The following AGBL4 variants were observed in gnomAD, a reference collection of about 807,000 sequenced individuals.
AGBL4 encodes the protein AGBL carboxypeptidase 4.
A neutral mutation model predicts 66.4 loss-of-function variants in AGBL4; 58 were observed. The ratio of observed to expected loss-of-function variants is 0.87; its 90% CI spans 0.71 to 1.09. The LOEUF (loss-of-function observed/expected upper bound fraction) is 1.09, where lower values mean the gene tolerates loss of function less well. Among genes scored for constraint, AGBL4 ranks in the 50% least tolerant of loss-of-function variants. The pLI, the probability that AGBL4 is intolerant of heterozygous loss-of-function variation, is 0.00. For synonymous variants in AGBL4, 234 were observed against 222.9 expected (o/e 1.05, Z -0.44); for missense variants, 579 against 631.0 (o/e 0.92, Z 0.88).
intron 3 of AGBL4, among the ~76,000 whole-genome samples, chr1:49,575,285 G>A (rs1023495573): frequency 1.3e-5 from 2 of 152,170 alleles, no homozygotes; most frequent in African/African-American, 2.4e-5. Context: ...AGTGGGTCCA[G>A]TGGGTCCCTC....
At chr1:48,887,670 T>G (rs1278795239) in intron 5 of AGBL4, among the ~76,000 whole-genome samples, 2 of 152,100 alleles carry the variant, frequency 1.3e-5, no homozygotes, top group Non-Finnish European at 2.9e-5. Context: ...TGGCCTAAAC[T>G]CTTACTGATG....
chr1:48,779,783 G>C (rs1043360063), intron 6 of AGBL4, among the ~76,000 whole-genome samples: 1 of 148,344 alleles, frequency 6.7e-6, no homozygotes, highest in Non-Finnish European at 1.5e-5. Context: ...GCCTGGTCTC[G>C]GCTCACTGCC....
chr1:48,590,029 C>T (rs1000178067), intron 10 of AGBL4, among the ~76,000 whole-genome samples: 1 of 152,296 alleles, frequency 6.6e-6, no homozygotes, highest in South Asian at 2.1e-4. Context: ...AGGTGGATCA[C>T]TTGAGCCCAG....
intron 1 of AGBL4, among the ~76,000 whole-genome samples, chr1:49,882,606 C>T (rs2148146631): frequency 6.6e-6 from 1 of 152,244 alleles, no homozygotes; most frequent in South Asian, 2.1e-4. Context: ...TCCTTCACAT[C>T]CATTGTAAGT....
chr1:49,406,909 C>T (rs967863224), intron 3 of AGBL4, among the ~76,000 whole-genome samples: 1 of 151,456 alleles, frequency 6.6e-6, no homozygotes, highest in Non-Finnish European at 1.5e-5. Flanking sequence ...ATTAAAAATA[C>T]AAAAAATTAG....
intron 3 of AGBL4, among the ~76,000 whole-genome samples, chr1:49,292,371 C>T (rs1218284837): frequency 1.3e-5 from 2 of 152,194 alleles, no homozygotes; most frequent in African/African-American, 4.8e-5. Flanking sequence ...AGTTAGACCC[C>T]ACCTTCAAGC....
At chr1:49,556,470 C>T (rs1643899748) in intron 3 of AGBL4, among the ~76,000 whole-genome samples, 1 of 151,496 alleles carries the variant, frequency 6.6e-6, no homozygotes, top group Admixed American at 6.6e-5. Flanking sequence ...AACAAACCTG[C>T]ACATTGTGCA....
At chr1:48,678,380 G>C (rs1396700055) in intron 6 of AGBL4, among the ~76,000 whole-genome samples, 1 of 152,176 alleles carries the variant, frequency 6.6e-6, no homozygotes, top group Non-Finnish European at 1.5e-5. Context: ...TTACTTAAGG[G>C]ACTGAGGGGG....
At chr1:48,757,019 A>C (rs570647841) in intron 6 of AGBL4, among the ~76,000 whole-genome samples, 3 of 152,320 alleles carry the variant, frequency 2.0e-5, no homozygotes, top group South Asian at 4.1e-4. Context: ...TTTAGGACTA[A>C]AAGAGGCATA....
At chr1:49,926,206 A>G (rs1240767546) in intron 1 of AGBL4, among the ~76,000 whole-genome samples, 2 of 152,212 alleles carry the variant, frequency 1.3e-5, no homozygotes, top group African/African-American at 2.4e-5. Context: ...TATTTTAGAG[A>G]AAGTAAGAGA....
intron 4 of AGBL4, among the ~76,000 whole-genome samples, chr1:49,140,215 G>C (rs540071): frequency 0.036 from 5,501 of 152,232 alleles, 303 homozygotes; most frequent in African/African-American, 0.12. Flanking sequence ...ATAAAAGTTA[G>C]GTACAACTTG....
chr1:48,625,090 C>CTCCTTCCTTCCT (rs66798647), intron 9 of AGBL4, among the ~76,000 whole-genome samples: 2,015 of 140,396 alleles, frequency 0.014, 39 homozygotes, highest in African/African-American at 0.035. Flanking sequence ...TTTTTTCTTT[C>CTCCTTCCTTCCT]TCCTTCCTTC....
chr1:49,504,096 G>A (rs1269240394), intron 3 of AGBL4, among the ~76,000 whole-genome samples: 1 of 152,068 alleles, frequency 6.6e-6, no homozygotes, highest in Non-Finnish European at 1.5e-5. Context: ...ATTGAATTAT[G>A]GGGGCGGTTT....
intron 1 of AGBL4, among the ~76,000 whole-genome samples, chr1:49,914,891 G>A (rs550207024): frequency 3.3e-5 from 5 of 152,136 alleles, no homozygotes; most frequent in South Asian, 4.2e-4. Flanking sequence ...GAGAGAAAAG[G>A]GGGGCTGAAC....
chr1:48,950,760 C>T (rs181259271), intron 5 of AGBL4, among the ~76,000 whole-genome samples: 2 of 152,230 alleles, frequency 1.3e-5, no homozygotes, highest in African/African-American at 4.8e-5. Flanking sequence ...ACCAACCATG[C>T]CCACATTTTG....
intron 3 of AGBL4, among the ~76,000 whole-genome samples, chr1:49,350,017 T>G (rs551319366): frequency 6.6e-6 from 1 of 152,202 alleles, no homozygotes; most frequent in South Asian, 2.1e-4. Flanking sequence ...AAAATAAACT[T>G]CCATCATTTA....
chr1:48,906,707 T>G (rs920116597), intron 5 of AGBL4, among the ~76,000 whole-genome samples: 1 of 152,090 alleles, frequency 6.6e-6, no homozygotes, highest in Non-Finnish European at 1.5e-5. Flanking sequence ...AGGTAAAAAT[T>G]TATCTAATTT....
chr1:49,769,408 C>T (rs1643988942), intron 2 of AGBL4, among the ~76,000 whole-genome samples: 1 of 151,996 alleles, frequency 6.6e-6, no homozygotes, highest in South Asian at 2.1e-4. Flanking sequence ...AATTAAAAAT[C>T]CAATGCTATT....
intron 4 of AGBL4, among the ~76,000 whole-genome samples, chr1:49,154,077 A>T (rs1342760073): frequency 6.6e-6 from 1 of 152,078 alleles, no homozygotes; most frequent in Non-Finnish European, 1.5e-5. Context: ...GAGAATACCA[A>T]CAAGAAAAAA....
Sources: gnomAD v4.1 joint callset for allele counts (sites outside exome capture counted in the v4.1 genomes callset) on GRCh38, gnomAD v4.1.1 for gene constraint, MANE v1.5 for transcripts, NCBI Gene and HGNC (gene_info 2026-07-23, HGNC 2026-07-21) for gene names.